TSPAN5: variants seen among roughly 807,000 people sequenced by gnomAD.
The protein encoded by TSPAN5 is tetraspanin-5.
A neutral mutation model predicts 37.1 loss-of-function variants in TSPAN5; 10 were observed. The observed-to-expected ratio is 0.27, with a 90% CI of 0.17 to 0.46. The LOEUF (loss-of-function observed/expected upper bound fraction) is 0.46. TSPAN5 is among the 20% of genes least tolerant of loss of function. The pLI is 1.00. For missense variants in TSPAN5, 195 were observed against 326.6 expected (o/e 0.60, Z 3.11); for synonymous variants, 110 against 118.9 (o/e 0.93, Z 0.48).
chr4:98,513,497 A>C lies in TSPAN5; in HGVS notation c.82-5769T>G, dbSNP rs191677671. ...TCATGTCCTGGGCTGAAATACGGTG[A>C]AACGGTCGGAATTGAGAGCTACTGA... On this transcript the variant is annotated intron_variant, in intron 1 of 7. Transcript: ENST00000305798. Among the ~76,000 whole-genome samples, 38 of 152,290 alleles carry C rather than the reference A, an allele frequency of 2.5e-4. 1 individual carries two copies. The East Asian group carries it at 3.3e-3, about 13-fold the overall frequency.
At chr4:98,542,021 C>A (rs1429640894) in intron 1 of TSPAN5, among the ~76,000 whole-genome samples, 2 of 152,162 alleles carry the variant, frequency 1.3e-5, no homozygotes, top group Non-Finnish European at 2.9e-5. Context: ...TGTCTAAAGC[C>A]CAATGCAGGC....
chr4:98,635,741 G>A (rs569685811), intron 1 of TSPAN5, among the ~76,000 whole-genome samples: 12 of 152,290 alleles, frequency 7.9e-5, no homozygotes, highest in South Asian at 2.1e-4. Flanking sequence ...GGCTGAGAGC[G>A]TTCCACAGCC....
At chr4:98,499,702 C>T (rs1245455939) in intron 2 of TSPAN5, among the ~76,000 whole-genome samples, 1 of 145,222 alleles carries the variant, frequency 6.9e-6, no homozygotes, top group South Asian at 2.2e-4. Flanking sequence ...ACTCTGCTGC[C>T]CAGGCTGGAG....
intron 1 of TSPAN5, among the ~76,000 whole-genome samples, chr4:98,523,426 T>C (rs1054104588): frequency 2.0e-5 from 3 of 152,158 alleles, no homozygotes; most frequent in Non-Finnish European, 4.4e-5. Context: ...AAAATCAACA[T>C]GGAAATAAAA....
At chr4:98,628,909 C>T (rs1756670550) in intron 1 of TSPAN5, among the ~76,000 whole-genome samples, 2 of 152,178 alleles carry the variant, frequency 1.3e-5, no homozygotes, top group African/African-American at 4.8e-5. Flanking sequence ...CTCTAAATGA[C>T]ATTCTCACAA....
intron 2 of TSPAN5, 54 bp from the exon 3 acceptor site, chr4:98,486,938 C>T: frequency 6.3e-7 from 1 of 1,589,648 alleles, no homozygotes. Flanking sequence ...GTCAGTTTTC[C>T]AACATGTAAA....
chr4:98,502,677 G>T (rs1753381203), intron 2 of TSPAN5, among the ~76,000 whole-genome samples: 1 of 152,130 alleles, frequency 6.6e-6, no homozygotes, highest in Non-Finnish European at 1.5e-5. Flanking sequence ...TATCTACAAA[G>T]ACAAGATGCA....
intron 1 of TSPAN5, among the ~76,000 whole-genome samples, chr4:98,626,585 C>T (rs1756607075): frequency 6.6e-6 from 1 of 152,028 alleles, no homozygotes; most frequent in Non-Finnish European, 1.5e-5. Context: ...CCTCCTCACC[C>T]CTGGCCCACC....
intron 1 of TSPAN5, among the ~76,000 whole-genome samples, chr4:98,636,700 C>A (rs191229073): frequency 6.6e-6 from 1 of 152,154 alleles, no homozygotes; most frequent in Non-Finnish European, 1.5e-5. Context: ...GAAAAAAATG[C>A]GGCTGGCAGC....
At chr4:98,533,958 AAAAAC>A (rs1450554710) in intron 1 of TSPAN5, among the ~76,000 whole-genome samples, 4 of 147,348 alleles carry the variant, frequency 2.7e-5, no homozygotes, top group African/African-American at 7.5e-5. Flanking sequence ...AAAAAAAAAA[AAAAAC>A]CAGCTCCTGG....
chr4:98,490,280 G>A (rs1313512484), intron 2 of TSPAN5, among the ~76,000 whole-genome samples: 2 of 152,062 alleles, frequency 1.3e-5, no homozygotes, highest in African/African-American at 2.4e-5. Flanking sequence ...ACCTATGCCC[G>A]AAATAGCAAA....
chr4:98,533,203 TA>T (rs1754139466), intron 1 of TSPAN5, among the ~76,000 whole-genome samples: 1 of 152,196 alleles, frequency 6.6e-6, no homozygotes, highest in South Asian at 2.1e-4. Flanking sequence ...GCTAGCCTCA[TA>T]AAATGAGTTA....
chr4:98,481,977 A>C (rs777569151), intron 4 of TSPAN5, 28 bp downstream of exon 4: 1 of 1,610,092 alleles, frequency 6.2e-7, no homozygotes, highest in East Asian at 2.2e-5. Context: ...AGAACTTTCA[A>C]CTTGAAAACA....
At chr4:98,508,020 G>T (rs1753516358) in intron 1 of TSPAN5, among the ~76,000 whole-genome samples, 1 of 152,176 alleles carries the variant, frequency 6.6e-6, no homozygotes, top group Non-Finnish European at 1.5e-5. Context: ...TTAATATGCT[G>T]CCTTTTAGGG....
chr4:98,478,611 TCA>T (rs1752759544), intron 5 of TSPAN5, 72 bp downstream of exon 5: 2 of 1,594,012 alleles, frequency 1.3e-6, no homozygotes, highest in Non-Finnish European at 1.7e-6. Flanking sequence ...AACCAAAAAA[TCA>T]CTCTGCTCGT....
At chr4:98,487,078 AAGAAAGAGAAAGAGAG>A (rs1306606485) in intron 2 of TSPAN5, among the ~76,000 whole-genome samples, 194 bp from the exon 3 acceptor site, 1 of 150,300 alleles carries the variant, frequency 6.7e-6, no homozygotes, top group Non-Finnish European at 1.5e-5. Flanking sequence ...AAGAGTGAGA[AAGAAAGAGAAAGAGAG>A]AGAAAGAGAA....
chr4:98,635,649 G>A (rs1756840559), intron 1 of TSPAN5, among the ~76,000 whole-genome samples: 1 of 152,008 alleles, frequency 6.6e-6, no homozygotes, highest in South Asian at 2.1e-4. Flanking sequence ...GCTGAACGGG[G>A]GAAAAAAAGA....
chr4:98,509,205 A>C (rs1185079578), intron 1 of TSPAN5, among the ~76,000 whole-genome samples: 1 of 152,230 alleles, frequency 6.6e-6, no homozygotes, highest in Non-Finnish European at 1.5e-5. Context: ...GATTAAGTTA[A>C]TGTGAGGAAA....
intron 2 of TSPAN5, 109 bp from the exon 3 acceptor site, chr4:98,486,993 G>T: frequency 5.5e-6 from 6 of 1,089,486 alleles, no homozygotes; most frequent in Non-Finnish European, 8.0e-6. Flanking sequence ...AACCTTCAGA[G>T]GGCATCTGAT....
Sources: gnomAD v4.1 joint callset for allele counts (sites outside exome capture counted in the v4.1 genomes callset) on GRCh38, gnomAD v4.1.1 for gene constraint, MANE v1.5 for transcripts, NCBI Gene and HGNC (gene_info 2026-07-23, HGNC 2026-07-21) for gene names.